TJP1: variants seen among roughly 807,000 people sequenced by gnomAD.
TJP1 encodes tight junction protein 1.
In TJP1, 43 loss-of-function variants were observed where a neutral mutation model predicts 194.2. The ratio of observed to expected loss-of-function variants is 0.22; its 90% CI spans 0.17 to 0.29. The LOEUF (loss-of-function observed/expected upper bound fraction) is 0.29, where lower values mean the gene tolerates loss of function less well. Among genes scored for constraint, TJP1 ranks in the 10% least tolerant of loss-of-function variants. The pLI, the probability that TJP1 is intolerant of heterozygous loss-of-function variation, is 1.00. For synonymous variants in TJP1, 801 were observed against 779.0 expected (o/e 1.03, Z -0.47); for missense variants, 1,971 against 2,185.7 (o/e 0.90, Z 1.96).
intron 18 of TJP1, among the ~76,000 whole-genome samples, chr15:29,721,904 TTTGAAC>T (rs1321693334): frequency 6.6e-6 from 1 of 152,194 alleles, no homozygotes; most frequent in Non-Finnish European, 1.5e-5. Context: ...TCTGTGGAAC[TTTGAAC>T]TTGAGAGAGA....
intron 1 of TJP1, among the ~76,000 whole-genome samples, chr15:29,961,842 C>T (rs964927952): frequency 4.6e-5 from 7 of 152,334 alleles, no homozygotes; most frequent in African/African-American, 9.6e-5. Context: ...GTGTGGCCTG[C>T]TCCAGCACAG....
rs771517578 is a variant in TJP1 at position 29,710,859 on chromosome 15, G to A, written c.4344C>T (p.His1448=). 9.3e-6 allele frequency: 15 copies of A among 1,614,082 alleles called. No homozygotes were observed. The Middle Eastern group carries it at 5.0e-4, about 54-fold the overall frequency. ...PSQPVTSASL[H]IHSKGAHGEG... ...CACCATGTGCTCCCTTAGAATGTATGTGGAGAGACGCGCTGGTGACAGGCT... is the reference window on the plus strand; with the variant it reads ...CACCATGTGCTCCCTTAGAATGTATATGGAGAGACGCGCTGGTGACAGGCT... The change falls in exon 24 of 28, where the codon CAC becomes CAT. Residue 1448 remains histidine (H), a synonymous_variant. Coordinates refer to ENST00000614355, the MANE Select transcript of TJP1 (RefSeq NM_001330239.4).
In TJP1 at chr15:29,871,073, C is replaced by T. The variant is rs532644366; in HGVS notation, c.307-70371G>A. ...TCCCAGAGGCAAGCTCTGAATACTC[C>T]GCTGTGTTCTCACTGGACAAAGGAA... On this transcript the variant is annotated intron_variant, in intron 2 of 28. Coordinates refer to the TJP1 transcript ENST00000356107. Among the ~76,000 whole-genome samples the T allele has an allele frequency of 5.3e-5, 8 of 152,252 alleles. No individual in the cohort carries two copies. In the South Asian group the frequency reaches 6.2e-4, roughly 12 times the overall value.
chr15:29,818,388 G>T (rs1341961928), intron 1 of TJP1, among the ~76,000 whole-genome samples: 2 of 152,244 alleles, frequency 1.3e-5, no homozygotes, highest in Admixed American at 1.3e-4. Context: ...TGGTGACGCA[G>T]AGAACCACCC....
At position 29,718,711 on chromosome 15, in the gene TJP1, G is replaced by C. The variant is rs747815661; in HGVS notation, c.3431C>G (p.Pro1144Arg). The C allele has an allele frequency of 1.9e-6, 3 of 1,614,090 alleles. No individual in the cohort carries two copies. Among genetic ancestry groups the C allele is most frequent in the South Asian group, 2.2e-5 (2 of 91,082 alleles). ...EPAPLSYDSR[P>R]RYEQAPRASA... is the part of the protein sequence containing the mutation. ...TGCTCTAGGTGCCTGTTCGTAACGT[G>C]GTCTGCTGTCGTAAGACAGAGGGGC... Residue 1144 changes from proline to arginine, a missense_variant, in exon 21 of 28, where the codon CCA becomes CGA. Coordinates refer to ENST00000614355, the MANE Select transcript of TJP1 (RefSeq NM_001330239.4).
intron 1 of TJP1, among the ~76,000 whole-genome samples, chr15:29,816,006 G>T (rs543670342): frequency 8.6e-5 from 13 of 151,276 alleles, no homozygotes; most frequent in Non-Finnish European, 1.3e-4. Context: ...ATTATTTATT[G>T]GTGTCTTTCC....
intron 2 of TJP1, among the ~76,000 whole-genome samples, chr15:29,847,743 C>T (rs911392177): frequency 3.3e-5 from 5 of 152,052 alleles, no homozygotes; most frequent in Non-Finnish European, 7.4e-5. Flanking sequence ...AGAGATCGCG[C>T]TACTGCACTC....
chr15:29,700,591 A>G lies in TJP1; in HGVS notation c.*1004T>C. ...GTCTTGTTTATGTATAAAAAAGGTA[A>G]AGTTTATAAAAGTTAATTTACAAAC... On this transcript the variant is annotated 3_prime_UTR_variant, in exon 28 of 28. Coordinates refer to ENST00000614355, the MANE Select transcript of TJP1 (RefSeq NM_001330239.4). 1 of 396,814 alleles carries G rather than the reference A, an allele frequency of 2.5e-6. No homozygotes were observed. The highest frequency in any genetic ancestry group is 4.4e-6 in the Non-Finnish European group (1 of 225,212). 24.6% of individuals were successfully genotyped at this position (396,814 alleles called of 1,614,324 possible). A position where few individuals can be genotyped will look rare whatever the true frequency, so the allele number is the denominator to read the frequency against.
intron 2 of TJP1, among the ~76,000 whole-genome samples, chr15:29,845,532 G>A (rs1309710736): frequency 6.6e-6 from 1 of 152,162 alleles, no homozygotes; most frequent in African/African-American, 2.4e-5. Flanking sequence ...CTGGCTGGGC[G>A]CAGAGGATCA....
intron 2 of TJP1, among the ~76,000 whole-genome samples, chr15:29,920,220 C>T (rs1384598459): frequency 6.6e-6 from 1 of 152,164 alleles, no homozygotes; most frequent in Admixed American, 6.5e-5. Flanking sequence ...CAAACGTAAA[C>T]ATGTTTTTCT....
chr15:29,757,112 A>T (rs2045691557), intron 8 of TJP1, among the ~76,000 whole-genome samples: 1 of 152,224 alleles, frequency 6.6e-6, no homozygotes, highest in Non-Finnish European at 1.5e-5. Flanking sequence ...TTATGCAAGT[A>T]ACCAAAGGCA....
At chr15:29,839,734 ACT>A (rs2152064017) in intron 2 of TJP1, among the ~76,000 whole-genome samples, 1 of 152,306 alleles carries the variant, frequency 6.6e-6, no homozygotes, top group Non-Finnish European at 1.5e-5. Context: ...TGTGAAAATA[ACT>A]CTTCATTTCT....
chr15:29,899,896 A>C (rs1057095467), intron 2 of TJP1, among the ~76,000 whole-genome samples: 4 of 152,214 alleles, frequency 2.6e-5, no homozygotes, highest in African/African-American at 9.7e-5. Context: ...TCCATGCCAG[A>C]TACTGTTATA....
chr15:29,864,853 T>C (rs8033276), intron 2 of TJP1, among the ~76,000 whole-genome samples: 89 of 152,310 alleles, frequency 5.8e-4, no homozygotes, highest in East Asian at 5.2e-3. Context: ...GGGTGAACAT[T>C]TGTATGCTAC....
intron 1 of TJP1, among the ~76,000 whole-genome samples, chr15:29,817,620 G>A (rs922708160): frequency 6.6e-6 from 1 of 152,080 alleles, no homozygotes; most frequent in East Asian, 1.9e-4. Context: ...AAGAAAATGT[G>A]GTACATATAT....
chr15:29,826,561 T>C (rs1386413791), upstream of TJP1, among the ~76,000 whole-genome samples: 1 of 152,166 alleles, frequency 6.6e-6, no homozygotes, highest in Non-Finnish European at 1.5e-5. Context: ...CTGACAAGTC[T>C]ACCCTGGGCA....
chr15:29,821,833 CCCCGCGGCCCGCGGCCCGCGG>C (rs553652689), intron 1 of TJP1, among the ~76,000 whole-genome samples, 148 bp downstream of exon 1: 55 of 145,550 alleles, frequency 3.8e-4, no homozygotes, highest in Middle Eastern at 3.6e-3. Flanking sequence ...CCGAGGGGCT[CCCCGCGGCCCGCGGCCCGCGG>C]CCCGCGGCCC....
intron 11 of TJP1, 133 bp downstream of exon 11, chr15:29,737,131 T>G: frequency 8.9e-7 from 1 of 1,127,176 alleles, no homozygotes; most frequent in Non-Finnish European, 1.2e-6. Context: ...GATTTTGACT[T>G]TCAAAGTTTA....
intron 2 of TJP1, among the ~76,000 whole-genome samples, chr15:29,775,168 C>T (rs1366886638): frequency 6.6e-6 from 1 of 152,134 alleles, no homozygotes; most frequent in Non-Finnish European, 1.5e-5. Flanking sequence ...ATGAGATCAA[C>T]TGTGGAGAGG....
Sources: allele counts gnomAD v4.1 joint callset (sites outside exome capture counted in the v4.1 genomes callset), GRCh38; gene constraint gnomAD v4.1.1; transcripts MANE v1.5; gene names NCBI Gene and HGNC (gene_info 2026-07-23, HGNC 2026-07-21).